FAAH2: variants seen among roughly 807,000 people sequenced by gnomAD.
FAAH2 encodes the protein fatty-acid amide hydrolase 2.
A neutral mutation model predicts 36.9 loss-of-function variants in FAAH2; 60 were observed. The ratio of observed to expected loss-of-function variants is 1.63; its 90% CI spans 1.32 to 2.02. FAAH2 has a LOEUF of 2.02. Ranked by LOEUF, FAAH2 falls within the 30% of genes most tolerant of loss-of-function variation. The probability of loss-of-function intolerance (pLI) is 0.00; values close to 1 mark genes in which losing one functional copy is unlikely to be tolerated. For missense variants in FAAH2, 689 were observed against 397.5 expected, an observed-to-expected ratio of 1.73 and a Z score of -6.23; for synonymous variants, 214 against 143.8, an observed-to-expected ratio of 1.49 and a Z score of -3.49.
At chrX:57,370,100 AC>A (rs949969292) in intron 5 of FAAH2, among the ~76,000 whole-genome samples, 1 of 111,710 alleles carries the variant, frequency 9.0e-6, no homozygotes, top group African/African-American at 3.3e-5. Flanking sequence ...AAAGCTTATT[AC>A]TATGGAAAAC....
chrX:57,302,668 C>T (rs2052408202), intron 2 of FAAH2, among the ~76,000 whole-genome samples: 2 of 111,197 alleles, frequency 1.8e-5, no homozygotes, highest in Non-Finnish European at 1.9e-5. Flanking sequence ...TAGAATCCTC[C>T]TTGGATTTCG....
the FAAH2 span, among the ~76,000 whole-genome samples, chrX:57,220,853 C>T: frequency 8.9e-6 from 1 of 111,995 alleles, no homozygotes; most frequent in African/African-American, 3.3e-5. Context: ...GCCCCCATCC[C>T]TTCCTGAGCT....
intron 10 of FAAH2, among the ~76,000 whole-genome samples, chrX:57,456,615 A>C (rs1164083533): frequency 1.8e-5 from 2 of 112,240 alleles, no homozygotes; most frequent in African/African-American, 6.5e-5. Flanking sequence ...ATGATATTAC[A>C]ACTGATTCCA....
At chrX:57,180,668 G>C in the FAAH2 span, among the ~76,000 whole-genome samples, 3 of 111,178 alleles carry the variant, frequency 2.7e-5, no homozygotes, top group African/African-American at 9.8e-5. Context: ...GAAAGCCCAG[G>C]ATCAGAAGAA....
chrX:57,372,186 T>C (rs1292578799), intron 5 of FAAH2, among the ~76,000 whole-genome samples: 1 of 111,880 alleles, frequency 8.9e-6, no homozygotes, highest in Admixed American at 9.5e-5. Flanking sequence ...ATAGGTGGAA[T>C]AGTAGTTCTA....
intron 3 of FAAH2, among the ~76,000 whole-genome samples, chrX:57,324,631 G>A (rs1236340542): frequency 6.4e-4 from 72 of 111,692 alleles, no homozygotes; most frequent in African/African-American, 2.0e-3. Flanking sequence ...TCATGATTTG[G>A]CTCTCTGTTT....
the FAAH2 span, among the ~76,000 whole-genome samples, chrX:57,183,087 A>C: frequency 9.0e-6 from 1 of 111,122 alleles, no homozygotes; most frequent in African/African-American, 3.3e-5. Flanking sequence ...GATAGAGAGG[A>C]GCAGACAAAA....
At chrX:57,345,799 T>A (rs1002116168) in intron 5 of FAAH2, among the ~76,000 whole-genome samples, 1 of 111,793 alleles carries the variant, frequency 8.9e-6, no homozygotes, top group African/African-American at 3.2e-5. Flanking sequence ...ATTACCTGAA[T>A]CACAAAGATT....
intron 10 of FAAH2, among the ~76,000 whole-genome samples, chrX:57,466,418 A>C (rs1239064995): frequency 9.6e-6 from 1 of 103,709 alleles, no homozygotes; most frequent in Non-Finnish European, 1.9e-5. Context: ...ATATATCTTA[A>C]TTAAAATAAT....
intron 3 of FAAH2, among the ~76,000 whole-genome samples, chrX:57,327,772 G>A (rs1408559450): frequency 9.0e-6 from 1 of 110,985 alleles, no homozygotes; most frequent in African/African-American, 3.3e-5. Context: ...TAACTTCTTT[G>A]CCATGGGTTC....
chrX:57,152,735 C>T, the FAAH2 span, among the ~76,000 whole-genome samples: 11 of 111,874 alleles, frequency 9.8e-5, no homozygotes, highest in Admixed American at 2.8e-4. Context: ...GGCAATGCCT[C>T]GCCCTGCTTT....
the FAAH2 span, among the ~76,000 whole-genome samples, chrX:57,201,250 G>T: frequency 1.8e-5 from 2 of 109,607 alleles, no homozygotes; most frequent in Non-Finnish European, 3.8e-5. Flanking sequence ...GTGAAACCCC[G>T]TCTACTAAAA....
At chrX:57,436,012 A>G (rs1350890134) in intron 8 of FAAH2, among the ~76,000 whole-genome samples, 1 of 111,331 alleles carries the variant, frequency 9.0e-6, no homozygotes, top group Non-Finnish European at 1.9e-5. Flanking sequence ...AAAACATATC[A>G]AGAATCTTCT....
At chrX:57,392,023 T>C (rs1195166613) in intron 7 of FAAH2, among the ~76,000 whole-genome samples, 2 of 111,429 alleles carry the variant, frequency 1.8e-5, no homozygotes, top group African/African-American at 6.5e-5. Flanking sequence ...TAGTGATCTT[T>C]AACCTCCTTG....
chrX:57,431,009 T>C (rs761164012), intron 7 of FAAH2, among the ~76,000 whole-genome samples: 1 of 111,766 alleles, frequency 8.9e-6, no homozygotes, highest in African/African-American at 3.2e-5. Context: ...GGACACCTTT[T>C]GGTCTATGTG....
intron 10 of FAAH2, among the ~76,000 whole-genome samples, chrX:57,450,905 C>T (rs1244523977): frequency 1.3e-4 from 14 of 111,252 alleles, no homozygotes; most frequent in African/African-American, 4.2e-4. Context: ...ATATCAATAT[C>T]TCTGCTTTAC....
rs1569283891 is a variant in FAAH2, at chrX:57,352,067, C to CAT, written c.742+10678_742+10679insTA. 5.0e-3 allele frequency among the ~76,000 whole-genome samples: 34 copies of CAT among 6,817 alleles called. 5 individuals are homozygous for CAT. The highest frequency in any genetic ancestry group is 8.8e-3 in the African/African-American group (31 of 3,515). 5.9% of individuals were successfully genotyped at this position (6,817 alleles called of 115,157 possible). A position where few individuals can be genotyped will look rare whatever the true frequency, so the allele number is the denominator to read the frequency against. On this transcript the variant is annotated intron_variant, in intron 5 of 10. Coordinates refer to ENST00000374900, the MANE Select transcript of FAAH2 (RefSeq NM_174912.4). ...ATATATGTGTATATATATATATATA[C>CAT]ACATATATATATGTGTATATATATG...
At chrX:57,125,544 G>A in the FAAH2 span, among the ~76,000 whole-genome samples, 1 of 111,664 alleles carries the variant, frequency 9.0e-6, no homozygotes, top group African/African-American at 3.3e-5. Context: ...TCTAGAATGG[G>A]TAAACTTTGC....
intron 5 of FAAH2, among the ~76,000 whole-genome samples, chrX:57,371,058 G>A (rs1333519714): frequency 1.8e-5 from 2 of 111,895 alleles, no homozygotes; most frequent in Admixed American, 9.5e-5. Context: ...CATATGTTTG[G>A]CCACAAATAA....
Sources: gnomAD v4.1 joint callset for allele counts (sites outside exome capture counted in the v4.1 genomes callset) on GRCh38, gnomAD v4.1.1 for gene constraint, MANE v1.5 for transcripts, NCBI Gene and HGNC (gene_info 2026-07-23, HGNC 2026-07-21) for gene names.